Variants in RBFOX1 observed in about 807,000 individuals in gnomAD.
RBFOX1 encodes the protein RNA binding fox-1 homolog 1, also known as RNA binding protein fox-1 homolog 1.
RBFOX1 carries 8 observed loss-of-function variants against 57.7 expected under a neutral mutation model. The observed-to-expected ratio is 0.14, with a 90% CI of 0.08 to 0.25. The LOEUF (loss-of-function observed/expected upper bound fraction) is 0.25, where lower values mean the gene tolerates loss of function less well. Among genes scored for constraint, RBFOX1 ranks in the 10% least tolerant of loss-of-function variants. The pLI is 1.00. For synonymous variants in RBFOX1, 326 were observed against 222.4 expected (o/e 1.47, Z -4.15); for missense variants, 611 against 548.5 (o/e 1.11, Z -1.14).
At chr16:5,776,260 A>G (rs79731257) in intron 3 of RBFOX1, among the ~76,000 whole-genome samples, 5,419 of 152,300 alleles carry the variant, frequency 0.036, 307 homozygotes, top group African/African-American at 0.12. Flanking sequence ...TGTATTCAGA[A>G]GGCTGCAGTA....
chr16:6,992,867 T>C (rs1464078543), intron 3 of RBFOX1, among the ~76,000 whole-genome samples: 1 of 150,980 alleles, frequency 6.6e-6, no homozygotes. Flanking sequence ...TTTGTGATAC[T>C]TCAATATATT....
chr16:5,698,781 G>T (rs976696653), intron 3 of RBFOX1, among the ~76,000 whole-genome samples: 1 of 152,148 alleles, frequency 6.6e-6, no homozygotes, highest in African/African-American at 2.4e-5. Context: ...AAGGAATGAG[G>T]TACTGAAATA....
chr16:7,077,943 A>T (rs948510120), intron 4 of RBFOX1, among the ~76,000 whole-genome samples: 1 of 152,326 alleles, frequency 6.6e-6, no homozygotes, highest in East Asian at 1.9e-4. Flanking sequence ...TCATTAGGCC[A>T]AACAGAGAGA....
Position 6,450,792 on chromosome 16 carries a change from T to TATAC in RBFOX1, c.-64+133738_-64+133739insCATA, listed in dbSNP as rs1567303009. On this transcript the variant is annotated intron_variant, in intron 2 of 15. Transcript: ENST00000550418. The stretch of plus-strand genomic sequence containing the variant: ...GTATATATATATATATATATATACA[T>TATAC]ATATATATGTATATATATATATATA... 1.4e-3 allele frequency among the ~76,000 whole-genome samples: 22 copies of TATAC among 15,754 alleles called. 3 individuals carry two copies. Among genetic ancestry groups the TATAC allele is most frequent in the African/African-American group, 8.3e-3 (21 of 2,544 alleles). 10.3% of individuals were successfully genotyped at this position (15,754 alleles called of 152,430 possible).
At chr16:7,133,036 T>C (rs898813831) in intron 4 of RBFOX1, among the ~76,000 whole-genome samples, 1 of 152,146 alleles carries the variant, frequency 6.6e-6, no homozygotes, top group Non-Finnish European at 1.5e-5. Flanking sequence ...AAATAAATCA[T>C]GTGCCTTGGT....
intron 4 of RBFOX1, among the ~76,000 whole-genome samples, chr16:7,433,777 T>G (rs931305867): frequency 7.2e-5 from 11 of 152,120 alleles, no homozygotes; most frequent in African/African-American, 2.2e-4. Flanking sequence ...TAACTATCCA[T>G]CCAGCCAGCC....
chr16:7,439,041 A>C (rs560754719), intron 4 of RBFOX1, among the ~76,000 whole-genome samples: 2 of 152,186 alleles, frequency 1.3e-5, no homozygotes, highest in Non-Finnish European at 2.9e-5. Context: ...AAACCACCGC[A>C]CTTTGTTTTG....
chr16:6,734,030 G>A (rs2069397219), intron 3 of RBFOX1, among the ~76,000 whole-genome samples: 1 of 152,186 alleles, frequency 6.6e-6, no homozygotes, highest in African/African-American at 2.4e-5. Flanking sequence ...TTTAACACGT[G>A]CTTATGTTTC....
intron 1 of RBFOX1, among the ~76,000 whole-genome samples, chr16:5,403,423 TG>T (rs1282720312): frequency 6.6e-6 from 1 of 151,792 alleles, no homozygotes; most frequent in Non-Finnish European, 1.5e-5. Context: ...ATGCACTGCT[TG>T]TAATATGCTC....
chr16:7,090,614 C>CA (rs1175055353), intron 4 of RBFOX1, among the ~76,000 whole-genome samples: 7 of 152,086 alleles, frequency 4.6e-5, no homozygotes, highest in Non-Finnish European at 8.8e-5. Context: ...GTTTTCCTAT[C>CA]AAAAATAAAT....
chr16:5,458,783 C>T (rs894750844), intron 1 of RBFOX1, among the ~76,000 whole-genome samples: 3 of 152,210 alleles, frequency 2.0e-5, no homozygotes, highest in Admixed American at 6.5e-5. Flanking sequence ...TGCATCCATC[C>T]GTCCATCCAT....
At chr16:5,747,500 A>C (rs1176340441) in intron 3 of RBFOX1, among the ~76,000 whole-genome samples, 1 of 152,148 alleles carries the variant, frequency 6.6e-6, no homozygotes, top group Non-Finnish European at 1.5e-5. Context: ...TTCGGCTGTG[A>C]ATCTGTCTGA....
intron 4 of RBFOX1, among the ~76,000 whole-genome samples, chr16:6,009,992 C>A (rs1298991699): frequency 6.6e-6 from 1 of 152,162 alleles, no homozygotes; most frequent in Non-Finnish European, 1.5e-5. Context: ...GACATTCCGT[C>A]AGTGGAGCTC....
At chr16:6,388,061 C>T (rs552599256) in intron 2 of RBFOX1, among the ~76,000 whole-genome samples, 75 of 141,674 alleles carry the variant, frequency 5.3e-4, no homozygotes, top group African/African-American at 1.9e-3. Context: ...CTCACTGCAA[C>T]CTCTGCCTCT....
intron 2 of RBFOX1, among the ~76,000 whole-genome samples, chr16:6,450,767 G>GTATATATATATATACATATACA (rs2094576239): frequency 2.9e-5 from 1 of 34,122 alleles, no homozygotes; most frequent in Non-Finnish European, 5.2e-5. Flanking sequence ...ATATATATGT[G>GTATATATATATATACATATACA]TATATATATA....
intron 4 of RBFOX1, among the ~76,000 whole-genome samples, chr16:5,870,924 C>T (rs1218135694): frequency 6.6e-6 from 1 of 152,070 alleles, no homozygotes; most frequent in Non-Finnish European, 1.5e-5. Flanking sequence ...CAAACCCCAC[C>T]TGTGGAGGAG....
Position 6,579,693 on chromosome 16 carries a change from A to C in RBFOX1, c.-63-74910A>C, listed in dbSNP as rs138169783. On this transcript the variant is annotated intron_variant, in intron 2 of 15. Transcript: ENST00000550418. Reference sequence around the variant, plus strand: ...AGTTATACCTCTTTCCTTTATAAACACTAAGTCTCAGGTATATCTTTAGTA... The same window carrying C: ...AGTTATACCTCTTTCCTTTATAAACCCTAAGTCTCAGGTATATCTTTAGTA... 2.0e-4 allele frequency among the ~76,000 whole-genome samples: 30 copies of C among 152,216 alleles called. No individual in the cohort carries two copies. In the East Asian group the frequency reaches 5.8e-3, roughly 29 times the overall value.
At chr16:6,236,635 G>T (rs914106775) in intron 1 of RBFOX1, among the ~76,000 whole-genome samples, 3 of 151,938 alleles carry the variant, frequency 2.0e-5, no homozygotes, top group African/African-American at 7.3e-5. Context: ...ATTTTTAGTA[G>T]AGGTGGGGTT....
At chr16:6,094,420 G>A (rs997164467) in intron 1 of RBFOX1, among the ~76,000 whole-genome samples, 15 of 152,122 alleles carry the variant, frequency 9.9e-5, no homozygotes, top group African/African-American at 3.1e-4. Context: ...AACCTAAAAC[G>A]CTTGGACTCA....
Sources: allele counts gnomAD v4.1 joint callset (sites outside exome capture counted in the v4.1 genomes callset), GRCh38; gene constraint gnomAD v4.1.1; transcripts MANE v1.5; gene names NCBI Gene and HGNC (gene_info 2026-07-23, HGNC 2026-07-21).